EIF3A: variants seen among roughly 807,000 people sequenced by gnomAD.
EIF3A encodes the protein EIF3, p180 subunit.
A neutral mutation model predicts 186.6 loss-of-function variants in EIF3A; 21 were observed. The observed-to-expected ratio is 0.11, with a 90% confidence interval of 0.08 to 0.16. The LOEUF is 0.16. Among genes scored for constraint, EIF3A ranks in the 10% least tolerant of loss-of-function variants. The pLI is 1.00. For synonymous variants in EIF3A, 563 were observed against 584.3 expected (o/e 0.96, Z 0.52); for missense variants, 1,306 against 1,796.3 (o/e 0.73, Z 4.93).
chr10:119,037,056 CA>C, intron 21 of EIF3A, 62 bp downstream of exon 21: 2 of 977,206 alleles, frequency 2.0e-6, no homozygotes, highest in Non-Finnish European at 2.9e-6. Context: ...TTAAATAACC[CA>C]AATCCCCCCC....
At position 119,052,025 on chromosome 10, in the gene EIF3A, TATA is replaced by T. The variant is rs371465690; in HGVS notation, c.2197-707_2197-705del. On this transcript the variant is annotated intron_variant, in intron 14 of 21. Coordinates refer to ENST00000369144, the MANE Select transcript of EIF3A (RefSeq NM_003750.4). ...ATACTAAAGGATGGGGTGACTATGGTATAATTTCTTAAAATAGGTAACAATGAA... is the reference window on the plus strand; with the variant it reads ...ATACTAAAGGATGGGGTGACTATGGTATTTCTTAAAATAGGTAACAATGAA... 5.9e-5 allele frequency among the ~76,000 whole-genome samples: 9 copies of T among 152,328 alleles called. No homozygotes were observed. The East Asian group carries it at 1.7e-3, about 29-fold the overall frequency.
In EIF3A at chr10:119,043,102, G is replaced by C. The variant is rs186088372; in HGVS notation, c.2748-330C>G. 2.1e-3 allele frequency among the ~76,000 whole-genome samples: 312 copies of C among 151,998 alleles called. 2 individuals are homozygous for C. Among genetic ancestry groups the C allele is most frequent in the African/African-American group, 7.2e-3 (300 of 41,444 alleles). ...AGTTTGAGACTAGCCTGGGCAACAT[G>C]TCAAAACCCCATCACTATAAAGAAT... On this transcript the variant is annotated intron_variant, in intron 18 of 21. Transcript: ENST00000369144.
chr10:119,037,716 T>C (rs1031269545), intron 20 of EIF3A, among the ~76,000 whole-genome samples: 37 of 152,100 alleles, frequency 2.4e-4, no homozygotes, highest in African/African-American at 8.9e-4. Context: ...GGGAACAAGC[T>C]AGAACTTCTA....
intron 17 of EIF3A, among the ~76,000 whole-genome samples, chr10:119,045,331 G>A (rs1385889536): frequency 6.6e-6 from 1 of 152,150 alleles, no homozygotes; most frequent in Non-Finnish European, 1.5e-5. Flanking sequence ...GACAAGAATG[G>A]TCAGAAAATA....
rs781714805 is a variant in EIF3A at position 119,035,668 on chromosome 10, A to G, written c.*371T>C. ...ATATATTTTAACAGAACCTTACTTC[A>G]TTCCAAATTATTATCAGATATTTCA... On this transcript the variant is annotated 3_prime_UTR_variant, in exon 22 of 22. Coordinates refer to ENST00000369144, the MANE Select transcript of EIF3A (RefSeq NM_003750.4). 1.8e-5 allele frequency: 3 copies of G among 163,026 alleles called. No individual in the cohort carries two copies. The highest frequency in any genetic ancestry group is 2.6e-5 in the African/African-American group (1 of 38,656). The allele number at this position is 163,026 out of a possible 1,614,324, so 10.1% of individuals were successfully genotyped here.
chr10:119,049,442 A>G (rs746874194), intron 17 of EIF3A, among the ~76,000 whole-genome samples: 2 of 150,364 alleles, frequency 1.3e-5, no homozygotes, highest in African/African-American at 2.5e-5. Flanking sequence ...AAGCCGAGAC[A>G]GAGATCACAC....
At chr10:119,071,558 TGGACACG>T (rs779541416) in intron 4 of EIF3A, among the ~76,000 whole-genome samples, 53 of 152,246 alleles carry the variant, frequency 3.5e-4, no homozygotes, top group Non-Finnish European at 6.0e-4. Flanking sequence ...GTCATTTAAC[TGGACACG>T]TTAATTTTTT....
At chr10:119,051,700 G>T (rs1164297019) in intron 14 of EIF3A, among the ~76,000 whole-genome samples, 2 of 152,162 alleles carry the variant, frequency 1.3e-5, no homozygotes, top group East Asian at 1.9e-4. Flanking sequence ...GATGCATATA[G>T]AAGTTTGCAG....
In EIF3A at chr10:119,058,364, CA is replaced by C. The variant is rs1453955936; in HGVS notation, c.1630-62del. ...ATTAACATTCTCTGGTATTAGGCATCAAAGAAATTACAAAATAATCCTGATG... is the reference window on the plus strand; with the variant it reads ...ATTAACATTCTCTGGTATTAGGCATCAAGAAATTACAAAATAATCCTGATG... On this transcript the variant is annotated intron_variant, in intron 11 of 21. Transcript: ENST00000369144. The C allele has an allele frequency of 3.3e-6, 4 of 1,198,086 alleles. No individual in the cohort carries two copies. In the African/African-American group the frequency reaches 4.6e-5, roughly 14 times the overall value. The allele number at this position is 1,198,086 out of a possible 1,614,324, so 74.2% of individuals were successfully genotyped here. A position where few individuals can be genotyped will look rare whatever the true frequency, so the allele number is the denominator to read the frequency against.
intron 17 of EIF3A, among the ~76,000 whole-genome samples, chr10:119,044,673 C>G (rs897301208): frequency 2.6e-5 from 4 of 152,028 alleles, no homozygotes; most frequent in Non-Finnish European, 5.9e-5. Context: ...ACGGTGAAAC[C>G]CTGTCTCTAC....
intron 19 of EIF3A, among the ~76,000 whole-genome samples, chr10:119,041,655 ATTAT>A (rs1848210503): frequency 6.6e-6 from 1 of 152,256 alleles, no homozygotes; most frequent in South Asian, 2.1e-4. Flanking sequence ...TTTGGTTTCA[ATTAT>A]TTATTTTTAA....
intron 6 of EIF3A, among the ~76,000 whole-genome samples, chr10:119,065,873 T>C (rs1230513272): frequency 1.3e-5 from 2 of 152,074 alleles, no homozygotes; most frequent in African/African-American, 2.4e-5. Flanking sequence ...TCCCAGCACT[T>C]TGGGAGGCCA....
In EIF3A at chr10:119,077,042, G is replaced by A. The variant is rs76651794; in HGVS notation, c.50-3105C>T. Among the ~76,000 whole-genome samples, 469 of 152,150 alleles carry A rather than the reference G, an allele frequency of 3.1e-3. 17 individuals are homozygous for A. The East Asian group carries it at 0.066, about 21-fold the overall frequency. On this transcript the variant is annotated intron_variant, in intron 1 of 21. Transcript: ENST00000369144. ...AACTTGGGAGTAAATGCGTTTAATG[G>A]AATTTATACTTTAAGAAAATCACAG... is the stretch of plus-strand genomic sequence containing the variant.
At chr10:119,073,724 A>C (rs763375836) in intron 2 of EIF3A, 23 bp downstream of exon 2, 2 of 1,576,036 alleles carry the variant, frequency 1.3e-6, no homozygotes, top group South Asian at 2.4e-5. Context: ...TGTTAAAAAT[A>C]TACAACCCAG....
chr10:119,046,342 G>A (rs1202173563), intron 17 of EIF3A, among the ~76,000 whole-genome samples: 1 of 152,102 alleles, frequency 6.6e-6, no homozygotes, highest in Non-Finnish European at 1.5e-5. Flanking sequence ...ATTGTTCAAC[G>A]GTGAGAGAAA....
chr10:119,052,431 C>T (rs957991991), intron 14 of EIF3A, among the ~76,000 whole-genome samples: 1 of 108,438 alleles, frequency 9.2e-6, no homozygotes. Flanking sequence ...GTCACCCAAG[C>T]ACTGGAGTGC....
intron 1 of EIF3A, among the ~76,000 whole-genome samples, chr10:119,078,351 T>C (rs1282439111): frequency 6.6e-6 from 1 of 152,118 alleles, no homozygotes; most frequent in African/African-American, 2.4e-5. Flanking sequence ...AAATTGCTCA[T>C]ATATATGCTT....
chr10:119,043,054 C>T (rs1420590783), intron 18 of EIF3A, among the ~76,000 whole-genome samples: 1 of 151,992 alleles, frequency 6.6e-6, no homozygotes, highest in Admixed American at 6.6e-5. Context: ...AAGGCCAAGG[C>T]GGGAGGATTG....
intron 19 of EIF3A, among the ~76,000 whole-genome samples, chr10:119,038,646 G>A (rs576111000): frequency 2.0e-5 from 3 of 152,078 alleles, no homozygotes; most frequent in Admixed American, 1.3e-4. Flanking sequence ...AAAATGGGCC[G>A]GGCATGGTGG....
Sources: gnomAD v4.1 joint callset for allele counts (sites outside exome capture counted in the v4.1 genomes callset) on GRCh38, gnomAD v4.1.1 for gene constraint, MANE v1.5 for transcripts, NCBI Gene and HGNC (gene_info 2026-07-23, HGNC 2026-07-21) for gene names.